Variants in MCF2L observed in about 807,000 individuals in gnomAD.
MCF2L encodes the protein MCF.2 cell line derived transforming sequence like.
In MCF2L, 97 loss-of-function variants were observed where a neutral mutation model predicts 153.4. The observed-to-expected ratio is 0.63, with a 90% confidence interval of 0.54 to 0.75. MCF2L has a LOEUF of 0.75. Ranked by LOEUF, MCF2L falls within the 30% of genes least tolerant of loss-of-function variation. The pLI is 0.00. For synonymous variants in MCF2L, 659 were observed against 632.2 expected, an observed-to-expected ratio of 1.04 and a Z score of -0.64; for missense variants, 1,347 against 1,495.2, an observed-to-expected ratio of 0.90 and a Z score of 1.64.
chr13:113,069,961 G>A (rs2032720094), intron 8 of MCF2L, 98 bp from the exon 9 acceptor site: 1 of 743,100 alleles, frequency 1.3e-6, no homozygotes. Flanking sequence ...AAGGCCCGGG[G>A]TGGAGATGAG....
At chr13:112,964,404 C>T (rs2081869107), upstream of MCF2L, among the ~76,000 whole-genome samples, 3 of 152,228 alleles carry the variant, frequency 2.0e-5, no homozygotes, top group South Asian at 2.1e-4. Flanking sequence ...ATGCTCCCTG[C>T]GACAGGGAAC....
chr13:113,065,019 G>T lies in MCF2L; in HGVS notation c.690G>T (p.Leu230=). 2 of 1,612,862 alleles carry T rather than the reference G, an allele frequency of 1.2e-6. No individual in the cohort carries two copies. Residue 230 remains leucine, a synonymous_variant, in exon 7 of 30, where the codon CTG becomes CTT. Transcript: ENST00000535094. ...SFGTELAETE[L]PNDVQSTSSV... ...GGACCGAGCTGGCTGAAACAGAGCTGCCCAATGACGTCCAGTCGACAAGCT... is the reference window on the plus strand; with the variant it reads ...GGACCGAGCTGGCTGAAACAGAGCTTCCCAATGACGTCCAGTCGACAAGCT...
chr13:112,909,350 C>T lies in MCF2L; in HGVS notation c.169+6979C>T, dbSNP rs562530313. The T allele has an allele frequency of 2.1e-5, 16 of 776,962 alleles. No homozygotes were observed. In the East Asian group the frequency reaches 2.2e-4, roughly 11 times the overall value. The allele number at this position is 776,962 out of a possible 1,614,324, so 48.1% of individuals were successfully genotyped here. A position where few individuals can be genotyped will look rare whatever the true frequency, so the allele number is the denominator to read the frequency against. On this transcript the variant is annotated intron_variant, in intron 2 of 29. Coordinates refer to the MCF2L transcript ENST00000375608. ...TCCTTCACCTCTGTGTCTACAGACC[C>T]GGCCTCCCCGCCCAGCATGGGTTGA... is the stretch of plus-strand genomic sequence containing the variant.
chr13:112,903,304 T>C (rs1163908196), intron 2 of MCF2L, among the ~76,000 whole-genome samples: 1 of 152,238 alleles, frequency 6.6e-6, no homozygotes, highest in Non-Finnish European at 1.5e-5. Flanking sequence ...CGCTGATTAG[T>C]GGAGTCTTGG....
At position 112,950,045 on chromosome 13, in the gene MCF2L, G is replaced by A. The variant is rs149276220; in HGVS notation, c.169+47674G>A. Among the ~76,000 whole-genome samples, 24 of 150,240 alleles carry A rather than the reference G, an allele frequency of 1.6e-4. No homozygotes were observed. In the East Asian group the frequency reaches 4.7e-3, roughly 29 times the overall value. On this transcript the variant is annotated intron_variant, in intron 2 of 29. Transcript: ENST00000375608. ...TCCTAAAGCTAGCAAGTTCAAAAAG[G>A]TTGCAAGATACAAGATAAACATAGA...
At chr13:113,090,779 CT>C in intron 26 of MCF2L, 1 of 985,470 alleles carries the variant, frequency 1.0e-6, no homozygotes, top group Non-Finnish European at 1.2e-6. Context: ...TTATAAAATG[CT>C]TTTAAGTTGG....
chr13:113,086,262 GA>G lies in MCF2L; in HGVS notation c.2373+14del. 1 of 1,607,434 alleles carries G rather than the reference GA, an allele frequency of 6.2e-7. No homozygotes were observed. Among genetic ancestry groups the G allele is most frequent in the East Asian group, 2.3e-5 (1 of 44,222 alleles). ...CACCGGCTATGACGTAAGGCGCCCAGATGCCCGGTCTTCCCCGCCGCCTCCG... is the reference window on the plus strand; with the variant it reads ...CACCGGCTATGACGTAAGGCGCCCAGTGCCCGGTCTTCCCCGCCGCCTCCG... On this transcript the variant is annotated intron_variant, in intron 21 of 29. Coordinates refer to ENST00000535094, the MANE Select transcript of MCF2L (RefSeq NM_001112732.3).
chr13:113,044,611 A>G (rs768725710), intron 3 of MCF2L: 2 of 1,570,634 alleles, frequency 1.3e-6, no homozygotes, highest in African/African-American at 1.4e-5. Flanking sequence ...CTGCAGAGTG[A>G]GCCCACGGAA....
At chr13:113,063,663 C>T (rs1228699108) in intron 5 of MCF2L, among the ~76,000 whole-genome samples, 1 of 152,076 alleles carries the variant, frequency 6.6e-6, no homozygotes, top group African/African-American at 2.4e-5. Flanking sequence ...TTATTAAATA[C>T]CGTATCAGTC....
intron 9 of MCF2L, among the ~76,000 whole-genome samples, chr13:113,071,131 C>T (rs1413573650): frequency 6.6e-6 from 1 of 152,120 alleles, no homozygotes; most frequent in Non-Finnish European, 1.5e-5. Flanking sequence ...TGTTGCGTTT[C>T]CCCAGTGTTG....
At position 113,010,635 on chromosome 13, in the gene MCF2L, C is replaced by T. The variant is rs546474234; in HGVS notation, c.80-4128C>T. Among the ~76,000 whole-genome samples the T allele has an allele frequency of 2.1e-3, 322 of 152,360 alleles. 1 individual carries two copies. The highest frequency in any genetic ancestry group is 7.3e-3 in the African/African-American group (305 of 41,592). ...ACCCCCTCGTCGGCCCCACCTGCTG[C>T]CTCTGCCCGCGTGGCAGGGGAATGG... On this transcript the variant is annotated intron_variant, in intron 1 of 29. Transcript: ENST00000535094.
At chr13:112,997,403 A>G (rs2083184748) in intron 1 of MCF2L, among the ~76,000 whole-genome samples, 1 of 152,210 alleles carries the variant, frequency 6.6e-6, no homozygotes, top group African/African-American at 2.4e-5. Flanking sequence ...ACCTGTGTAG[A>G]CATCCACGTC....
chr13:112,899,499 C>T (rs1354021133), intron 1 of MCF2L, among the ~76,000 whole-genome samples: 1 of 152,220 alleles, frequency 6.6e-6, no homozygotes, highest in African/African-American at 2.4e-5. Context: ...CTCAGGAAAA[C>T]CCACTGCTGG....
intron 21 of MCF2L, 84 bp from the exon 22 acceptor site, chr13:113,087,151 G>A (rs138692274): frequency 2.5e-6 from 3 of 1,223,670 alleles, no homozygotes; most frequent in Non-Finnish European, 3.4e-6. Context: ...GGGCTTTGCA[G>A]AGTGGCTGCT....
intron 2 of MCF2L, among the ~76,000 whole-genome samples, chr13:112,927,893 T>A (rs530149708): frequency 9.9e-5 from 15 of 152,206 alleles, no homozygotes; most frequent in Non-Finnish European, 1.9e-4. Flanking sequence ...AAAACCTGTC[T>A]ATCAAAAGAG....
intron 3 of MCF2L, among the ~76,000 whole-genome samples, chr13:113,038,144 A>G (rs576094210): frequency 9.9e-5 from 15 of 152,222 alleles, no homozygotes; most frequent in African/African-American, 3.4e-4. Flanking sequence ...CAAGACTTCT[A>G]AGCAGAAAAC....
chr13:113,015,201 C>T (rs2084428307), intron 2 of MCF2L, among the ~76,000 whole-genome samples: 1 of 152,218 alleles, frequency 6.6e-6, no homozygotes, highest in Non-Finnish European at 1.5e-5. Flanking sequence ...ATCTGGGCAC[C>T]TCCCAGGCCA....
chr13:112,912,201 T>G (rs531092808), intron 2 of MCF2L, among the ~76,000 whole-genome samples: 63 of 152,328 alleles, frequency 4.1e-4, no homozygotes, highest in African/African-American at 1.5e-3. Flanking sequence ...GGAGGACACC[T>G]TTCTCTTCAG....
At chr13:113,004,802 A>G (rs745909302) in intron 1 of MCF2L, among the ~76,000 whole-genome samples, 9 of 152,260 alleles carry the variant, frequency 5.9e-5, no homozygotes, top group Non-Finnish European at 1.0e-4. Context: ...GCGTGTGTTC[A>G]GATGCTGCCT....
Sources: gnomAD v4.1 joint callset for allele counts (sites outside exome capture counted in the v4.1 genomes callset) on GRCh38, gnomAD v4.1.1 for gene constraint, MANE v1.5 for transcripts, NCBI Gene and HGNC (gene_info 2026-07-23, HGNC 2026-07-21) for gene names.